RUNDC3B: variants seen among roughly 807,000 people sequenced by gnomAD.
RUNDC3B encodes the protein RUN domain-containing protein 3B.
Under a neutral mutation model 58.4 loss-of-function variants are expected in RUNDC3B, and 33 were observed. That is an observed-to-expected ratio of 0.56 (90% CI 0.43 to 0.75). RUNDC3B has a LOEUF of 0.75. RUNDC3B is among the 30% of genes least tolerant of loss of function. The pLI, the probability that RUNDC3B is intolerant of heterozygous loss-of-function variation, is 0.00. For missense variants in RUNDC3B, 501 were observed against 535.7 expected, an observed-to-expected ratio of 0.94 and a Z score of 0.64; for synonymous variants, 193 against 195.2, an observed-to-expected ratio of 0.99 and a Z score of 0.10.
chr7:87,714,216 C>T (rs529757551), intron 4 of RUNDC3B, among the ~76,000 whole-genome samples: 8 of 152,256 alleles, frequency 5.3e-5, no homozygotes, highest in South Asian at 2.1e-4. Flanking sequence ...TGTTCTTAGG[C>T]GGATCGGCAG....
At chr7:87,824,283 G>A (rs1837669457) in intron 10 of RUNDC3B, among the ~76,000 whole-genome samples, 1 of 152,066 alleles carries the variant, frequency 6.6e-6, no homozygotes, top group Non-Finnish European at 1.5e-5. Flanking sequence ...TGCATTATTG[G>A]GGCAAGTCTT....
chr7:87,675,808 A>G (rs1328694022), intron 2 of RUNDC3B, among the ~76,000 whole-genome samples: 2 of 152,100 alleles, frequency 1.3e-5, no homozygotes, highest in African/African-American at 2.4e-5. Flanking sequence ...AAAATTACTA[A>G]AAGAAAATAT....
chr7:87,798,539 C>A (rs1450973380), intron 8 of RUNDC3B, among the ~76,000 whole-genome samples: 1 of 152,110 alleles, frequency 6.6e-6, no homozygotes, highest in African/African-American at 2.4e-5. Context: ...CTAATATGAA[C>A]CATTTGTTTT....
At chr7:87,802,938 T>C (rs1323439493) in intron 8 of RUNDC3B, among the ~76,000 whole-genome samples, 1 of 152,106 alleles carries the variant, frequency 6.6e-6, no homozygotes, top group Non-Finnish European at 1.5e-5. Flanking sequence ...AGAGCCATGA[T>C]CGTATCACTG....
At position 87,650,857 on chromosome 7, in the gene RUNDC3B, T is replaced by G. The variant is rs1308417358; in HGVS notation, c.158T>G (p.Phe53Cys). 1.2e-6 allele frequency: 2 copies of G among 1,612,772 alleles called. No homozygotes were observed. The highest frequency in any genetic ancestry group is 1.7e-6 in the Non-Finnish European group (2 of 1,179,068). The change falls in exon 2 of 11, where the codon TTT becomes TGT. Residue 53 changes from phenylalanine (F) to cysteine (C), a missense_variant. Phe to Cys is a radical substitution (Grantham distance 205). Coordinates refer to ENST00000394654, the MANE Select transcript of RUNDC3B (RefSeq NM_001134405.2). ...AAGACCCTGATTGATCGGTCTTGCT[T>G]TGAGACAATTGATGATTCTTCTCCT... The part of the protein sequence containing the change: ...SVKTLIDRSC[F>C]ETIDDSSPEF...
intron 3 of RUNDC3B, among the ~76,000 whole-genome samples, chr7:87,710,296 G>A (rs1829956532): frequency 6.6e-6 from 1 of 152,120 alleles, no homozygotes; most frequent in East Asian, 1.9e-4. Context: ...TTCAAAAGAA[G>A]TCTCTAACCC....
At position 87,778,477 on chromosome 7, in the gene RUNDC3B, CA is replaced by C. The variant is rs1305730986; in HGVS notation, c.956+524del. The stretch of plus-strand genomic sequence containing the variant: ...AAAAAGGAATAAGAATAAGAAAATA[CA>C]AGAAGAGAATAAAAATTACCTTCAG... On this transcript the variant is annotated intron_variant, in intron 8 of 10. Transcript: ENST00000394654. Among the ~76,000 whole-genome samples the C allele has an allele frequency of 3.3e-5, 5 of 149,972 alleles. No individual in the cohort carries two copies. The East Asian group carries it at 9.8e-4, about 29-fold the overall frequency.
intron 10 of RUNDC3B, among the ~76,000 whole-genome samples, chr7:87,826,689 A>G (rs773811086): frequency 2.0e-5 from 3 of 152,192 alleles, no homozygotes; most frequent in Non-Finnish European, 4.4e-5. Flanking sequence ...ACCAAAATCT[A>G]TCATTCAAGA....
At chr7:87,706,286 G>GTT (rs199577254) in intron 3 of RUNDC3B, among the ~76,000 whole-genome samples, 1 of 149,284 alleles carries the variant, frequency 6.7e-6, no homozygotes, top group Non-Finnish European at 1.5e-5. Flanking sequence ...CTACTTGAGA[G>GTT]TTTTTTTTTT....
At chr7:87,782,098 A>G (rs1834957070) in intron 8 of RUNDC3B, among the ~76,000 whole-genome samples, 1 of 152,080 alleles carries the variant, frequency 6.6e-6, no homozygotes, top group Non-Finnish European at 1.5e-5. Context: ...AACTATGAAT[A>G]TATCTGGTCC....
chr7:87,675,243 T>G (rs987825268), intron 2 of RUNDC3B, among the ~76,000 whole-genome samples: 2 of 152,346 alleles, frequency 1.3e-5, no homozygotes, highest in African/African-American at 4.8e-5. Context: ...TCTAAATGCC[T>G]TCCCTCCAAA....
chr7:87,823,255 A>G (rs1285313033), intron 10 of RUNDC3B, among the ~76,000 whole-genome samples: 1 of 152,070 alleles, frequency 6.6e-6, no homozygotes, highest in African/African-American at 2.4e-5. Context: ...TTTTTCCACA[A>G]GCCTGATTGA....
intron 1 of RUNDC3B, among the ~76,000 whole-genome samples, chr7:87,643,412 C>CT (rs757081837): frequency 6.6e-5 from 10 of 151,962 alleles, no homozygotes; most frequent in Non-Finnish European, 1.5e-4. Context: ...TAGACCCCTG[C>CT]TTAAAGGATA....
At chr7:87,743,938 A>G (rs377546937) in intron 6 of RUNDC3B, among the ~76,000 whole-genome samples, 65 of 152,226 alleles carry the variant, frequency 4.3e-4, no homozygotes, top group Middle Eastern at 3.4e-3. Context: ...GAGTTTTTAT[A>G]GTTTCAGGTC....
At chr7:87,774,712 T>C (rs900982354) in intron 7 of RUNDC3B, among the ~76,000 whole-genome samples, 2 of 152,218 alleles carry the variant, frequency 1.3e-5, no homozygotes, top group Non-Finnish European at 2.9e-5. Context: ...CAAAAAAAAC[T>C]ATTATGTATT....
chr7:87,759,848 T>C (rs1422327898), intron 6 of RUNDC3B, among the ~76,000 whole-genome samples: 1 of 151,828 alleles, frequency 6.6e-6, no homozygotes, highest in African/African-American at 2.4e-5. Context: ...CTTGTGTGAT[T>C]ATTACATATT....
chr7:87,682,357 T>A (rs1372892772), intron 2 of RUNDC3B, among the ~76,000 whole-genome samples: 1 of 152,228 alleles, frequency 6.6e-6, no homozygotes, highest in East Asian at 1.9e-4. Context: ...ATCTCGAATG[T>A]TCTTGACGAA....
chr7:87,724,480 T>C (rs934021529), intron 4 of RUNDC3B, among the ~76,000 whole-genome samples: 1 of 152,156 alleles, frequency 6.6e-6, no homozygotes, highest in African/African-American at 2.4e-5. Context: ...GACTAATATT[T>C]AGTTTTACAA....
intron 1 of RUNDC3B, among the ~76,000 whole-genome samples, chr7:87,640,099 C>A (rs1404424815): frequency 6.7e-6 from 1 of 150,214 alleles, no homozygotes; most frequent in Non-Finnish European, 1.5e-5. Context: ...TGGTTTATTA[C>A]AGCTTAATGC....
Sources: allele counts gnomAD v4.1 joint callset (sites outside exome capture counted in the v4.1 genomes callset), GRCh38; gene constraint gnomAD v4.1.1; transcripts MANE v1.5; gene names NCBI Gene and HGNC (gene_info 2026-07-23, HGNC 2026-07-21).